Variants in BNC2 observed in about 807,000 individuals in gnomAD.
BNC2 encodes zinc finger protein basonuclin-2.
A neutral mutation model predicts 76.3 loss-of-function variants in BNC2; 20 were observed. The ratio of observed to expected loss-of-function variants is 0.26; its 90% CI spans 0.18 to 0.38. BNC2 has a LOEUF of 0.38. Ranked by LOEUF, BNC2 falls within the 10% of genes least tolerant of loss-of-function variation. BNC2 has a pLI of 1.00. For missense variants in BNC2, 1,382 were observed against 1,399.8 expected, an observed-to-expected ratio of 0.99 and a Z score of 0.20; for synonymous variants, 582 against 514.8, an observed-to-expected ratio of 1.13 and a Z score of -1.77.
At chr9:16,837,151 G>T (rs1012361414) in intron 1 of BNC2, among the ~76,000 whole-genome samples, 1 of 152,116 alleles carries the variant, frequency 6.6e-6, no homozygotes, top group Non-Finnish European at 1.5e-5. Flanking sequence ...CCCAAAAAAT[G>T]GACCCACAAC....
At chr9:16,670,620 C>G (rs1822448476) in intron 3 of BNC2, among the ~76,000 whole-genome samples, 1 of 152,118 alleles carries the variant, frequency 6.6e-6, no homozygotes, top group African/African-American at 2.4e-5. Flanking sequence ...AATGCGTTAC[C>G]TATTCTAGAT....
rs182857425 is a variant in BNC2, at chr9:16,845,474, C to G, written c.3+25172G>C. On this transcript the variant is annotated intron_variant, in intron 1 of 6. Transcript: ENST00000380672. Reference sequence around the variant, plus strand: ...CGGTGGCTCACACCTGTAATCCCAGCAATTTGGGAGGCCAAGGCGGGCGGA... The same window carrying G: ...CGGTGGCTCACACCTGTAATCCCAGGAATTTGGGAGGCCAAGGCGGGCGGA... Among the ~76,000 whole-genome samples, 176 of 152,226 alleles carry G rather than the reference C, an allele frequency of 1.2e-3. 1 individual carries two copies. Among genetic ancestry groups the G allele is most frequent in the African/African-American group, 3.4e-3 (142 of 41,544 alleles).
At chr9:16,858,863 A>AG (rs1241305809) in intron 1 of BNC2, among the ~76,000 whole-genome samples, 1 of 152,092 alleles carries the variant, frequency 6.6e-6, no homozygotes, top group African/African-American at 2.4e-5. Context: ...AAAGAAAAAA[A>AG]GAAAAAAGAA....
At chr9:16,765,494 A>T (rs920239245) in intron 1 of BNC2, among the ~76,000 whole-genome samples, 1 of 152,210 alleles carries the variant, frequency 6.6e-6, no homozygotes, top group Non-Finnish European at 1.5e-5. Flanking sequence ...AGTGCCTTTT[A>T]AATAGAAATA....
At chr9:16,537,804 G>A (rs1818175332) in intron 5 of BNC2, among the ~76,000 whole-genome samples, 1 of 152,168 alleles carries the variant, frequency 6.6e-6, no homozygotes. Context: ...CTTATGCTCA[G>A]GATGCTGTTT....
intron 5 of BNC2, among the ~76,000 whole-genome samples, chr9:16,529,637 T>A (rs935921158): frequency 6.6e-6 from 1 of 152,158 alleles, no homozygotes; most frequent in Non-Finnish European, 1.5e-5. Context: ...TGATGATTAC[T>A]AGTTGTTCTA....
At chr9:16,819,084 C>G (rs570870635) in intron 1 of BNC2, among the ~76,000 whole-genome samples, 1 of 152,094 alleles carries the variant, frequency 6.6e-6, no homozygotes, top group African/African-American at 2.4e-5. Flanking sequence ...AATGACAAAA[C>G]TGAGTCATGA....
chr9:16,679,637 G>A (rs1372606827), intron 3 of BNC2, among the ~76,000 whole-genome samples: 1 of 152,198 alleles, frequency 6.6e-6, no homozygotes. Flanking sequence ...GACGGCTGGT[G>A]ACAAGTTGTC....
intron 5 of BNC2, among the ~76,000 whole-genome samples, chr9:16,494,424 T>C (rs1822342671): frequency 6.6e-6 from 1 of 151,988 alleles, no homozygotes; most frequent in Non-Finnish European, 1.5e-5. Flanking sequence ...GTGCTGAGAT[T>C]ACAGGCATGA....
intron 5 of BNC2, among the ~76,000 whole-genome samples, chr9:16,498,296 C>CATATAT (rs150566244): frequency 0.13 from 13,150 of 102,088 alleles, 2,225 homozygotes; most frequent in African/African-American, 0.35. Context: ...TATATTCCAT[C>CATATAT]ATATATATAT....
intron 3 of BNC2, among the ~76,000 whole-genome samples, chr9:16,658,309 CA>C (rs1319042843): frequency 4.6e-5 from 7 of 151,892 alleles, no homozygotes; most frequent in African/African-American, 1.5e-4. Flanking sequence ...AATTTGGAGT[CA>C]GGGGGAGTAC....
At chr9:16,420,663 G>T (rs2119082784) in intron 6 of BNC2, among the ~76,000 whole-genome samples, 1 of 151,152 alleles carries the variant, frequency 6.6e-6, no homozygotes, top group African/African-American at 2.4e-5. Flanking sequence ...TGCTTTGCTT[G>T]TATGTATGTA....
chr9:16,694,083 G>A (rs1823263843), intron 3 of BNC2, among the ~76,000 whole-genome samples: 1 of 152,070 alleles, frequency 6.6e-6, no homozygotes, highest in Admixed American at 6.5e-5. Context: ...TTAGAAAAGA[G>A]TTTACTTAGG....
At chr9:16,860,439 A>G (rs1437675675) in intron 1 of BNC2, among the ~76,000 whole-genome samples, 1 of 152,176 alleles carries the variant, frequency 6.6e-6, no homozygotes, top group Non-Finnish European at 1.5e-5. Context: ...AATGGAGAAA[A>G]ACTGTCTTTT....
chr9:16,770,643 C>A (rs1387735176), intron 1 of BNC2, among the ~76,000 whole-genome samples: 1 of 91,470 alleles, frequency 1.1e-5, no homozygotes, highest in African/African-American at 4.1e-5. Flanking sequence ...ACCCTCAAGT[C>A]ATTCAAGAAT....
intron 3 of BNC2, among the ~76,000 whole-genome samples, chr9:16,708,948 T>C (rs973557149): frequency 6.6e-6 from 1 of 152,114 alleles, no homozygotes. Flanking sequence ...TAAGAGGGAA[T>C]AATGTGTTAA....
At chr9:16,542,673 A>G (rs967394993) in intron 5 of BNC2, among the ~76,000 whole-genome samples, 3 of 152,238 alleles carry the variant, frequency 2.0e-5, no homozygotes, top group Non-Finnish European at 4.4e-5. Context: ...CATCAGGCCT[A>G]GATGTGGCCT....
chr9:16,473,262 G>A (rs903330764), intron 5 of BNC2: 7 of 152,144 alleles, frequency 4.6e-5, no homozygotes, highest in South Asian at 2.1e-4. Context: ...TTTAACAACC[G>A]ACCATCCTTC....
chr9:16,735,396 TA>T lies in BNC2; in HGVS notation c.129+2963del, dbSNP rs879878699. 4.1e-3 allele frequency among the ~76,000 whole-genome samples: 66 copies of T among 15,966 alleles called. 2 individuals are homozygous for T. The highest frequency in any genetic ancestry group is 0.091 in the Middle Eastern group (2 of 22). 10.5% of individuals were successfully genotyped at this position (15,966 alleles called of 152,430 possible). On this transcript the variant is annotated intron_variant, in intron 2 of 6. Coordinates refer to ENST00000380672, the MANE Select transcript of BNC2 (RefSeq NM_017637.6). ...AGTGATGGCTTTACTTAAATGAATT[TA>T]AAAAAAAAAAAAAAAAAAAACAGGC... is the stretch of plus-strand genomic sequence containing the variant.
Sources: gnomAD v4.1 joint callset for allele counts (sites outside exome capture counted in the v4.1 genomes callset) on GRCh38, gnomAD v4.1.1 for gene constraint, MANE v1.5 for transcripts, NCBI Gene and HGNC (gene_info 2026-07-23, HGNC 2026-07-21) for gene names.